The following ZNF844 variants were observed in gnomAD, a reference collection of about 807,000 sequenced individuals.
ZNF844 encodes the protein zinc finger protein 844.
ZNF844 carries 11 observed loss-of-function variants against 11.4 expected under a neutral mutation model. The observed-to-expected ratio is 0.97, with a 90% CI of 0.61 to 1.60. The LOEUF (loss-of-function observed/expected upper bound fraction) is 1.60, where lower values mean the gene tolerates loss of function less well. ZNF844 is among the 40% of genes most tolerant of loss of function. The pLI is 0.00. For synonymous variants in ZNF844, 248 were observed against 260.3 expected (o/e 0.95, Z 0.46); for missense variants, 790 against 796.8 (o/e 0.99, Z 0.10).
rs1975814790 is a variant in ZNF844, at chr19:12,076,225, G to C, written c.1105G>C (p.Val369Leu). The C allele has an allele frequency of 6.2e-7, 1 of 1,603,406 alleles. No homozygotes were observed. The highest frequency in any genetic ancestry group is 2.3e-5 in the East Asian group (1 of 44,290). Residue 369 changes from valine to leucine, a missense_variant, in exon 4 of 4, where the codon GTG (valine) becomes CTG (leucine). Val to Leu is a conservative substitution (Grantham distance 32). Coordinates refer to ENST00000439326, the MANE Select transcript of ZNF844 (RefSeq NM_001136501.3). ...AATGAGACCTTATAAATGTAAGACT[G>C]TGGAAAAGCCTTTGATTCTCCCAGT... ...TRMRPYKCKT[V>L]EKPLILPVRF... is the part of the protein sequence containing the mutation.
In ZNF844 at chr19:12,077,237, C is replaced by T; in HGVS notation, c.*116C>T. The T allele has an allele frequency of 6.5e-7, 1 of 1,541,006 alleles. No homozygotes were observed. Among genetic ancestry groups the T allele is most frequent in the East Asian group, 2.2e-5 (1 of 44,500 alleles). On this transcript the variant is annotated 3_prime_UTR_variant, in exon 4 of 4. Coordinates refer to ENST00000439326, the MANE Select transcript of ZNF844 (RefSeq NM_001136501.3). ...ATGAGTGTAAGCAGTGTGGTAAAGC[C>T]TTCATTTCTTCCACTGCCATTCGTA...
At chr19:12,068,597 A>T (rs1975718565) in intron 1 of ZNF844, among the ~76,000 whole-genome samples, 1 of 152,164 alleles carries the variant, frequency 6.6e-6, no homozygotes, top group African/African-American at 2.4e-5. Context: ...GTGCCACTGC[A>T]CTCCAGCCTG....
intron 1 of ZNF844, among the ~76,000 whole-genome samples, chr19:12,067,943 A>AGAAAGAAGGAAGGAAGGAAGGAAG (rs1555717778): frequency 2.5e-5 from 2 of 79,354 alleles, no homozygotes; most frequent in South Asian, 3.2e-4. Flanking sequence ...AAAGAAAGAA[A>AGAAAGAAGGAAGGAAGGAAGGAAG]GAAGGAAAGA....
rs1568361230 is a variant in ZNF844, at chr19:12,076,562, T to A, written c.1442T>A (p.Val481Glu). 6.2e-6 allele frequency: 10 copies of A among 1,611,578 alleles called. No individual in the cohort carries two copies. Among genetic ancestry groups the A allele is most frequent in the Non-Finnish European group, 7.6e-6 (9 of 1,179,068 alleles). ...LKRNPMNVSSVVKPSFFPLPF... is the reference protein window; with the variant it reads ...LKRNPMNVSSEVKPSFFPLPF... ...AGAAACCCTATGAATGTAAGCAGTGTGGTAAAGCCTTCATTTTTTCCACTT... is the reference window on the plus strand; with the variant it reads ...AGAAACCCTATGAATGTAAGCAGTGAGGTAAAGCCTTCATTTTTTCCACTT... The change falls in exon 4 of 4, where the codon GTG becomes GAG. Residue 481 changes from valine to glutamate, a missense_variant. Val to Glu is a moderately radical substitution (Grantham distance 121). Transcript: ENST00000439326.
chr19:12,073,955 C>T, intron 1 of ZNF844, 76 bp from the exon 2 acceptor site: 1 of 1,523,394 alleles, frequency 6.6e-7, no homozygotes, highest in Non-Finnish European at 8.8e-7. Context: ...ATCATGGGAA[C>T]TTCTTAGGAA....
Position 12,081,332 on chromosome 19 carries a change from C to T in ZNF844, c.*4211C>T, listed in dbSNP as rs1158880623. On this transcript the variant is annotated 3_prime_UTR_variant, in exon 4 of 4. Transcript: ENST00000439326. ...CAGGAAGGTGAGAATAAGCACCTTC[C>T]TCCTCCCAGGAAGTTTTGAGTTTCC... The T allele has an allele frequency of 6.6e-6, 1 of 152,126 alleles. No individual in the cohort carries two copies. 9.4% of individuals were successfully genotyped at this position (152,126 alleles called of 1,614,324 possible).
chr19:12,068,429 C>T (rs572271813), intron 1 of ZNF844, among the ~76,000 whole-genome samples: 3 of 152,268 alleles, frequency 2.0e-5, no homozygotes, highest in Non-Finnish European at 2.9e-5. Context: ...AGTTCGAGAC[C>T]AGCCTGACCA....
rs1158195819 is a variant in ZNF844, at chr19:12,078,472, A to G, written c.*1351A>G. 3 of 152,194 alleles carry G rather than the reference A, an allele frequency of 2.0e-5. No individual in the cohort carries two copies. Among genetic ancestry groups the G allele is most frequent in the Non-Finnish European group, 4.4e-5 (3 of 68,040 alleles). The allele number at this position is 152,194 out of a possible 1,614,324, so 9.4% of individuals were successfully genotyped here. A position where few individuals can be genotyped will look rare whatever the true frequency, so the allele number is the denominator to read the frequency against. On this transcript the variant is annotated 3_prime_UTR_variant, in exon 4 of 4. Transcript: ENST00000439326. Reference sequence around the variant, plus strand: ...TTGAGAAGCCATAATAAAATATCTCAGTGCCATCATGCATTAGATCAAGTT... The same window carrying G: ...TTGAGAAGCCATAATAAAATATCTCGGTGCCATCATGCATTAGATCAAGTT...
rs1975838333 is a variant in ZNF844, at chr19:12,077,196, A to G, written c.*75A>G. On this transcript the variant is annotated 3_prime_UTR_variant, in exon 4 of 4. Transcript: ENST00000439326. ...CTTTCAGTGTCATAAAAGGATTCAC[A>G]CTGGAGAGAAACCCTATGAGTGTAA... 1 of 1,600,348 alleles carries G rather than the reference A, an allele frequency of 6.2e-7. No individual in the cohort carries two copies. Among genetic ancestry groups the G allele is most frequent in the Non-Finnish European group, 8.5e-7 (1 of 1,172,368 alleles).
chr19:12,072,156 G>A (rs1975759883), intron 1 of ZNF844, among the ~76,000 whole-genome samples: 1 of 152,144 alleles, frequency 6.6e-6, no homozygotes, highest in Non-Finnish European at 1.5e-5. Context: ...AAAGTGCTGG[G>A]ATTACGGGCA....
In ZNF844 at chr19:12,076,051, T is replaced by A; in HGVS notation, c.931T>A (p.Cys311Ser). The change falls in exon 4 of 4, where the codon TGT becomes AGT. Residue 311 changes from cysteine to serine, a missense_variant. Around this residue, in one of 3 missense-constraint regions of ZNF844, gnomAD observed 657 missense variants for 636.2 expected, o/e 1.03. Coordinates refer to ENST00000439326, the MANE Select transcript of ZNF844 (RefSeq NM_001136501.3). ...RTHSEEKAYE[C>S]TKCGKAFKCP... ...TCACAGTGAGGAGAAGGCTTATGAA[T>A]GTACCAAATGTGGGAAAGCATTCAA... The A allele has an allele frequency of 6.4e-7, 1 of 1,564,432 alleles. No individual in the cohort carries two copies. Among genetic ancestry groups the A allele is most frequent in the East Asian group, 2.4e-5 (1 of 41,680 alleles).
Position 12,077,637 on chromosome 19 carries a change from T to C in ZNF844, c.*516T>C, listed in dbSNP as rs1975846522. 2 of 543,558 alleles carry C rather than the reference T, an allele frequency of 3.7e-6. No homozygotes were observed. The highest frequency in any genetic ancestry group is 1.4e-5 in the South Asian group (1 of 70,194). 33.7% of individuals were successfully genotyped at this position (543,558 alleles called of 1,614,324 possible). A position where few individuals can be genotyped will look rare whatever the true frequency, so the allele number is the denominator to read the frequency against. ...TCACACTGGCGAGAAACCCTATGAA[T>C]GTAAGCAATGTGGGAAAGCCTACAG... On this transcript the variant is annotated 3_prime_UTR_variant, in exon 4 of 4. Transcript: ENST00000439326.
intron 1 of ZNF844, among the ~76,000 whole-genome samples, chr19:12,073,001 C>T (rs113605569): frequency 7.2e-5 from 11 of 152,186 alleles, no homozygotes; most frequent in African/African-American, 2.7e-4. Context: ...GGTGCCTTTT[C>T]CATCTGTTTA....
chr19:12,077,130 G>A lies in ZNF844; in HGVS notation c.*9G>A. On this transcript the variant is annotated 3_prime_UTR_variant, in exon 4 of 4. Transcript: ENST00000439326. ...GGCTCACACTGGAGTGAAACCGTAT[G>A]AATGCAAGGAATGTGGCAAAGCCTT... is the stretch of plus-strand genomic sequence containing the variant. 6.3e-7 allele frequency: 1 copy of A among 1,599,632 alleles called. No homozygotes were observed. The highest frequency in any genetic ancestry group is 8.5e-7 in the Non-Finnish European group (1 of 1,173,048).
chr19:12,072,250 A>G (rs1975760638), intron 1 of ZNF844, among the ~76,000 whole-genome samples: 1 of 152,234 alleles, frequency 6.6e-6, no homozygotes, highest in African/African-American at 2.4e-5. Context: ...ACTAAATACT[A>G]TCCCATTGTA....
chr19:12,068,786 G>A (rs921661486), intron 1 of ZNF844, among the ~76,000 whole-genome samples: 1 of 152,096 alleles, frequency 6.6e-6, no homozygotes, highest in African/African-American at 2.4e-5. Context: ...TCCTTTCCAT[G>A]TGTAAACCTG....
At position 12,076,802 on chromosome 19, in the gene ZNF844, G is replaced by A. The variant is rs1435458373; in HGVS notation, c.1682G>A (p.Arg561Lys). The A allele has an allele frequency of 6.4e-7, 1 of 1,564,386 alleles. No homozygotes were observed. Among genetic ancestry groups the A allele is most frequent in the East Asian group, 2.4e-5 (1 of 41,696 alleles). The change falls in exon 4 of 4, where the codon AGG becomes AAG. Residue 561 changes from arginine to lysine, a missense_variant. Around this residue, in one of 3 missense-constraint regions of ZNF844, gnomAD observed 657 missense variants for 636.2 expected, o/e 1.03. Coordinates refer to ENST00000439326, the MANE Select transcript of ZNF844 (RefSeq NM_001136501.3). ...CACACCCTGGAGAGAAACCCTATAA[G>A]GAATATGGAAAAGCATTCAACAATT... ...KRHTLERNPIRNMEKHSTISL... is the reference protein window; with the variant it reads ...KRHTLERNPIKNMEKHSTISL...
rs1385920469 is a variant in ZNF844, at chr19:12,076,264, A to G, written c.1144A>G (p.Met382Val). ...PLILPVRFED[M>V]KELTLERNLM... ...GATTCTCCCAGTTCGTTTTGAAGAC[A>G]TGAAAGAACTCACACTGGAGAGAAA... Residue 382 changes from methionine (M) to valine (V), a missense_variant, in exon 4 of 4, where the codon ATG (methionine) becomes GTG (valine). Transcript: ENST00000439326. 1 of 1,613,138 alleles carries G rather than the reference A, an allele frequency of 6.2e-7. No homozygotes were observed. The highest frequency in any genetic ancestry group is 1.3e-5 in the African/African-American group (1 of 75,048).
rs1341856526 is a variant in ZNF844, at chr19:12,075,848, A to G, written c.728A>G (p.His243Arg). Residue 243 changes from histidine to arginine, a missense_variant, in exon 4 of 4, where the codon CAT (histidine) becomes CGT (arginine). Physicochemically the swap from His to Arg is conservative, Grantham distance 29. Around this residue, in one of 3 missense-constraint regions of ZNF844, gnomAD observed 657 missense variants for 636.2 expected, o/e 1.03. Transcript: ENST00000439326. ...AGTTATTCAACTTCCCTTCAAATAC[A>G]TGAAAGAACTCACACTGGAGAGAAG... ...AFSYSTSLQIHERTHTGEKPY... is the reference protein window; with the variant it reads ...AFSYSTSLQIRERTHTGEKPY... 1.1e-5 allele frequency: 18 copies of G among 1,611,040 alleles called. No homozygotes were observed. The South Asian group carries it at 1.4e-4, about 13-fold the overall frequency.
Sources: allele counts gnomAD v4.1 joint callset (sites outside exome capture counted in the v4.1 genomes callset), GRCh38; gene constraint gnomAD v4.1.1; regional missense constraint gnomAD v4.1.1; transcripts MANE v1.5; gene names NCBI Gene and HGNC (gene_info 2026-07-23, HGNC 2026-07-21).